VRK2: variants seen among roughly 807,000 people sequenced by gnomAD.
VRK2 encodes serine/threonine-protein kinase VRK2.
Under a neutral mutation model 57.6 loss-of-function variants are expected in VRK2, and 60 were observed. That is an observed-to-expected ratio of 1.04 (90% CI 0.85 to 1.29). The LOEUF is 1.29. Among genes scored for constraint, VRK2 ranks in the 50% most tolerant of loss-of-function variants. VRK2 has a pLI of 0.00. For missense variants in VRK2, 705 were observed against 588.1 expected (o/e 1.20, Z -2.06); for synonymous variants, 231 against 199.2 (o/e 1.16, Z -1.35).
intron 1 of VRK2, among the ~76,000 whole-genome samples, chr2:57,989,785 A>C (rs544160426): frequency 4.6e-5 from 7 of 152,336 alleles, no homozygotes; most frequent in Non-Finnish European, 7.4e-5. Flanking sequence ...TTAAATAGAA[A>C]TGATTTAAAA....
intron 7 of VRK2, among the ~76,000 whole-genome samples, chr2:58,092,409 C>T (rs1672507620): frequency 1.3e-5 from 2 of 152,116 alleles, no homozygotes; most frequent in Admixed American, 6.5e-5. Context: ...AATTTCTGTT[C>T]ACCTGTTGAT....
chr2:58,115,221 G>A (rs1244170801), intron 7 of VRK2, among the ~76,000 whole-genome samples: 2 of 151,942 alleles, frequency 1.3e-5, no homozygotes, highest in East Asian at 1.9e-4. Flanking sequence ...AGGAAATATG[G>A]GGAAATGGGG....
intron 1 of VRK2, among the ~76,000 whole-genome samples, chr2:57,946,688 A>G (rs1456904091): frequency 6.6e-6 from 1 of 152,188 alleles, no homozygotes; most frequent in Non-Finnish European, 1.5e-5. Flanking sequence ...AATTAAAATT[A>G]TTATAGACTT....
intron 1 of VRK2, among the ~76,000 whole-genome samples, chr2:57,944,913 G>A (rs566542426): frequency 6.6e-6 from 1 of 152,182 alleles, no homozygotes; most frequent in South Asian, 2.1e-4. Flanking sequence ...AGTGCAAAGT[G>A]TTTTGCATGC....
chr2:57,927,780 T>A (rs2678874), intron 1 of VRK2, among the ~76,000 whole-genome samples: 48,246 of 151,964 alleles, frequency 0.32, 8,397 homozygotes, highest in East Asian at 0.41. Context: ...ATTTCTTCTT[T>A]ATATTTGAAG....
intron 1 of VRK2, among the ~76,000 whole-genome samples, chr2:57,961,138 T>C (rs185063236): frequency 1.1e-4 from 16 of 152,306 alleles, no homozygotes; most frequent in Middle Eastern, 3.4e-3. Flanking sequence ...GAAGTAACTA[T>C]AAAGAAACAT....
At chr2:58,115,697 C>G (rs139568572) in intron 7 of VRK2, among the ~76,000 whole-genome samples, 2,240 of 152,146 alleles carry the variant, frequency 0.015, 70 homozygotes, top group African/African-American at 0.052. Context: ...GGGAGAGCAC[C>G]TGTGTTTTTA....
At chr2:57,979,556 A>T (rs559095906) in intron 1 of VRK2, among the ~76,000 whole-genome samples, 2 of 145,264 alleles carry the variant, frequency 1.4e-5, no homozygotes, top group Non-Finnish European at 2.9e-5. Context: ...GCCTCATAGA[A>T]TTAGTTAAGG....
rs184608015 is a variant in VRK2 at position 58,022,064 on chromosome 2, A to C, written c.-438-3601A>C. Among the ~76,000 whole-genome samples the C allele has an allele frequency of 1.0e-3, 158 of 152,270 alleles. 1 individual carries two copies. Among genetic ancestry groups the C allele is most frequent in the African/African-American group, 3.3e-3 (138 of 41,544 alleles). ...TAGCACATTAACTGACTCATTAGCT[A>C]TTTCAAACCATATGGACTTGGGTTT... On this transcript the variant is annotated intron_variant, in intron 1 of 15. Coordinates refer to the VRK2 transcript ENST00000417641.
At chr2:58,134,274 A>G (rs1679644249) in intron 9 of VRK2, among the ~76,000 whole-genome samples, 1 of 152,114 alleles carries the variant, frequency 6.6e-6, no homozygotes, top group Admixed American at 6.6e-5. Context: ...CCTCATTCCA[A>G]AGGGGTCCTG....
chr2:58,137,215 C>CAT (rs368189985), intron 10 of VRK2, among the ~76,000 whole-genome samples: 5 of 40,774 alleles, frequency 1.2e-4, no homozygotes, highest in South Asian at 5.1e-4. Flanking sequence ...ATATATGATA[C>CAT]ATATATATCA....
At chr2:57,961,075 T>C (rs1252975920) in intron 1 of VRK2, among the ~76,000 whole-genome samples, 5 of 152,204 alleles carry the variant, frequency 3.3e-5, no homozygotes, top group Admixed American at 2.6e-4. Flanking sequence ...TACTTCCTTA[T>C]GTGAATAGAC....
chr2:58,114,115 C>T (rs563370453), intron 7 of VRK2, among the ~76,000 whole-genome samples: 47 of 151,862 alleles, frequency 3.1e-4, no homozygotes, highest in African/African-American at 8.9e-4. Flanking sequence ...GGCCTGGATA[C>T]GGTTTTGTAT....
intron 1 of VRK2, among the ~76,000 whole-genome samples, chr2:57,946,888 C>T (rs1319953795): frequency 1.3e-5 from 2 of 152,030 alleles, no homozygotes; most frequent in Admixed American, 1.3e-4. Context: ...TATAGCCTGG[C>T]TATACTGATC....
chr2:58,134,393 T>C (rs1047121714), intron 9 of VRK2, among the ~76,000 whole-genome samples: 7 of 151,116 alleles, frequency 4.6e-5, no homozygotes, highest in Non-Finnish European at 7.4e-5. Flanking sequence ...GGGTGGATCA[T>C]GAGGTCAGGA....
At chr2:57,910,713 T>G (rs1324696816) in intron 1 of VRK2, among the ~76,000 whole-genome samples, 3 of 152,196 alleles carry the variant, frequency 2.0e-5, no homozygotes, top group Non-Finnish European at 4.4e-5. Flanking sequence ...TACTGCTTAA[T>G]AAAAACTGGT....
In VRK2 at chr2:58,136,919, T is replaced by TC. The variant is rs1295356598; in HGVS notation, c.856+1720_856+1721insC. ...GTATATATATCATATATATATCATA[T>TC]ATGTGTATATATCATATATATTATA... is the stretch of plus-strand genomic sequence containing the variant. On this transcript the variant is annotated intron_variant, in intron 10 of 12. Transcript: ENST00000340157. 8.0e-5 allele frequency among the ~76,000 whole-genome samples: 11 copies of TC among 137,496 alleles called. 1 individual carries two copies. The highest frequency in any genetic ancestry group is 3.1e-4 in the African/African-American group (11 of 35,534). 90.2% of individuals were successfully genotyped at this position (137,496 alleles called of 152,430 possible).
At chr2:58,062,120 A>G (rs764200780) in intron 2 of VRK2, among the ~76,000 whole-genome samples, 1 of 152,052 alleles carries the variant, frequency 6.6e-6, no homozygotes, top group Non-Finnish European at 1.5e-5. Flanking sequence ...TCATTTTGAC[A>G]ATATTTCAAA....
upstream of VRK2, chr2:58,046,726 GAA>G: frequency 1.0e-6 from 1 of 985,550 alleles, no homozygotes; most frequent in South Asian, 4.7e-5. Flanking sequence ...CAGCTGGAGA[GAA>G]GTTAGGCAGG....
Sources: allele counts gnomAD v4.1 joint callset (sites outside exome capture counted in the v4.1 genomes callset), GRCh38; gene constraint gnomAD v4.1.1; transcripts MANE v1.5; gene names NCBI Gene and HGNC (gene_info 2026-07-23, HGNC 2026-07-21).